Variants in ARHGAP32 observed in about 807,000 individuals in gnomAD.
The protein encoded by ARHGAP32 is Rho GTPase activating protein 32.
A neutral mutation model predicts 186.5 loss-of-function variants in ARHGAP32; 51 were observed. The ratio of observed to expected loss-of-function variants is 0.27; its 90% CI spans 0.22 to 0.35. The LOEUF (loss-of-function observed/expected upper bound fraction) is 0.35. Among genes scored for constraint, ARHGAP32 ranks in the 10% least tolerant of loss-of-function variants. The pLI, the probability that ARHGAP32 is intolerant of heterozygous loss-of-function variation, is 1.00. For missense variants in ARHGAP32, 2,186 were observed against 2,623.5 expected (o/e 0.83, Z 3.64); for synonymous variants, 950 against 964.3 (o/e 0.99, Z 0.27).
At chr11:129,225,690 TCAA>T (rs935878102) in intron 1 of ARHGAP32, among the ~76,000 whole-genome samples, 28 of 152,070 alleles carry the variant, frequency 1.8e-4, no homozygotes, top group African/African-American at 2.7e-4. Context: ...TGTCCAGTCT[TCAA>T]CAACAACAAC....
At chr11:128,993,520 T>C (rs1946119875) in intron 12 of ARHGAP32, among the ~76,000 whole-genome samples, 1 of 151,678 alleles carries the variant, frequency 6.6e-6, no homozygotes, top group African/African-American at 2.4e-5. Context: ...ATGTATATAA[T>C]ATATAATCAT....
intron 10 of ARHGAP32, among the ~76,000 whole-genome samples, chr11:129,042,603 C>T (rs1361123844): frequency 6.6e-6 from 1 of 151,966 alleles, no homozygotes; most frequent in African/African-American, 2.4e-5. Context: ...TGGTTAACAG[C>T]GTAGCCTCAA....
chr11:128,981,652 G>C, intron 16 of ARHGAP32, 91 bp from the exon 17 acceptor site: 1 of 1,398,502 alleles, frequency 7.2e-7, no homozygotes, highest in African/African-American at 1.4e-5. Context: ...GACAAACAGA[G>C]GAAGAAATCA....
At chr11:129,248,526 A>C (rs1945134713) in intron 1 of ARHGAP32, among the ~76,000 whole-genome samples, 1 of 152,194 alleles carries the variant, frequency 6.6e-6, no homozygotes, top group Non-Finnish European at 1.5e-5. Flanking sequence ...CTCTGTGCCT[A>C]AATCACCCCA....
At chr11:129,116,561 T>A (rs1050190153) in intron 5 of ARHGAP32, among the ~76,000 whole-genome samples, 1 of 152,060 alleles carries the variant, frequency 6.6e-6, no homozygotes, top group East Asian at 1.9e-4. Flanking sequence ...AAAATTAGCA[T>A]GGGTTTTATT....
chr11:129,253,509 T>C (rs1206125659), intron 1 of ARHGAP32, among the ~76,000 whole-genome samples: 2 of 152,196 alleles, frequency 1.3e-5, no homozygotes, highest in Non-Finnish European at 2.9e-5. Flanking sequence ...AACTAGTTTA[T>C]ACACTATTAA....
In ARHGAP32 at chr11:128,972,896, T is replaced by C. The variant is rs761743254; in HGVS notation, c.3610A>G (p.Asn1204Asp). Residue 1204 changes from asparagine (N) to aspartate (D), a missense_variant, in exon 22 of 23, where the codon AAC (asparagine) becomes GAC (aspartate). By Grantham distance (23) the Asn-to-Asp change is conservative. This residue lies in a region of ARHGAP32 where 1,502 missense variants were observed against 1,570.0 expected (regional missense o/e 0.96). Transcript: ENST00000682385. ...VSFPEDQSGK[N>D]SMPTVSFLDQ... Reference sequence around the variant, plus strand: ...AAGAAGGAGACAGTTGGCATACTGTTCTTCCCAGACTGGTCTTCAGGGAAA... The same window carrying C: ...AAGAAGGAGACAGTTGGCATACTGTCCTTCCCAGACTGGTCTTCAGGGAAA... 1 of 1,613,880 alleles carries C rather than the reference T, an allele frequency of 6.2e-7. No homozygotes were observed. Among genetic ancestry groups the C allele is most frequent in the Non-Finnish European group, 8.5e-7 (1 of 1,180,014 alleles).
chr11:129,020,838 A>G (rs1008365154), intron 11 of ARHGAP32, among the ~76,000 whole-genome samples: 1 of 152,106 alleles, frequency 6.6e-6, no homozygotes, highest in African/African-American at 2.4e-5. Flanking sequence ...AAGCTATTGT[A>G]GAGTAGGAAA....
Position 129,103,541 on chromosome 11 carries a change from T to C in ARHGAP32, c.445-9834A>G, listed in dbSNP as rs558399525. On this transcript the variant is annotated intron_variant, in intron 5 of 22. Coordinates refer to ENST00000682385, the MANE Select transcript of ARHGAP32 (RefSeq NM_001378024.1). The stretch of plus-strand genomic sequence containing the variant: ...ATATGTGAAAACATCAGCTTCAAAA[T>C]CAAGAAACTCAGTGCACCCCAAACT... Among the ~76,000 whole-genome samples, 8 of 151,836 alleles carry C rather than the reference T, an allele frequency of 5.3e-5. No individual in the cohort carries two copies. The South Asian group carries it at 1.2e-3, about 24-fold the overall frequency.
chr11:129,056,198 T>G (rs1050748498), intron 10 of ARHGAP32, among the ~76,000 whole-genome samples: 2 of 151,888 alleles, frequency 1.3e-5, no homozygotes, highest in African/African-American at 4.8e-5. Context: ...GTGAGGGGAG[T>G]GGGCAGGGGT....
At chr11:129,021,176 AG>A (rs752837631) in intron 11 of ARHGAP32, among the ~76,000 whole-genome samples, 6 of 152,098 alleles carry the variant, frequency 3.9e-5, no homozygotes, top group South Asian at 2.1e-4. Context: ...ACATTTCAAA[AG>A]GCATTACTGA....
At chr11:129,258,190 C>T (rs1348713975) in intron 1 of ARHGAP32, among the ~76,000 whole-genome samples, 2 of 152,080 alleles carry the variant, frequency 1.3e-5, no homozygotes, top group Non-Finnish European at 2.9e-5. Context: ...CTCTATTAAA[C>T]AACTATCATA....
chr11:129,046,857 G>A (rs1387194311), intron 10 of ARHGAP32, among the ~76,000 whole-genome samples: 1 of 152,156 alleles, frequency 6.6e-6, no homozygotes, highest in Non-Finnish European at 1.5e-5. Flanking sequence ...GGGCGCGGTG[G>A]CTCACGCCTG....
intron 1 of ARHGAP32, among the ~76,000 whole-genome samples, chr11:129,218,456 AC>A (rs1565471702): frequency 1.3e-5 from 2 of 151,966 alleles, no homozygotes; most frequent in African/African-American, 4.8e-5. Flanking sequence ...AATCTCACAC[AC>A]ACACACACAC....
intron 2 of ARHGAP32, among the ~76,000 whole-genome samples, chr11:129,159,995 A>C (rs1943495836): frequency 6.6e-6 from 1 of 151,244 alleles, no homozygotes; most frequent in African/African-American, 2.5e-5. Flanking sequence ...AGAACTAATG[A>C]CAAAAACCAC....
At chr11:129,059,448 G>C (rs1172536212) in intron 10 of ARHGAP32, among the ~76,000 whole-genome samples, 14 of 151,464 alleles carry the variant, frequency 9.2e-5, no homozygotes, top group Admixed American at 9.2e-4. Flanking sequence ...TGTAGAAACA[G>C]CAAGGAATGC....
chr11:129,222,693 A>C (rs1019205008), intron 1 of ARHGAP32, among the ~76,000 whole-genome samples: 1 of 152,308 alleles, frequency 6.6e-6, no homozygotes, highest in East Asian at 1.9e-4. Context: ...GTACTCTTTA[A>C]GTGCAACCTC....
upstream of ARHGAP32, among the ~76,000 whole-genome samples, chr11:129,193,678 T>C (rs1400829086): frequency 1.5e-4 from 7 of 47,466 alleles, 1 homozygote; most frequent in Admixed American, 8.5e-4. Flanking sequence ...ATATATAATA[T>C]ATAATATATA....
chr11:129,142,185 A>T (rs1231889777), intron 2 of ARHGAP32, among the ~76,000 whole-genome samples: 1 of 152,162 alleles, frequency 6.6e-6, no homozygotes, highest in Non-Finnish European at 1.5e-5. Context: ...AAAGAGAGGA[A>T]GAAATACCCC....
Sources: allele counts gnomAD v4.1 joint callset (sites outside exome capture counted in the v4.1 genomes callset), GRCh38; gene constraint gnomAD v4.1.1; regional missense constraint gnomAD v4.1.1; transcripts MANE v1.5; gene names NCBI Gene and HGNC (gene_info 2026-07-23, HGNC 2026-07-21).